The following NEGR1 variants were observed in gnomAD, a reference collection of about 807,000 sequenced individuals.
The protein encoded by NEGR1 is neuronal growth regulator 1.
NEGR1 carries 10 observed loss-of-function variants against 40.9 expected under a neutral mutation model. The ratio of observed to expected loss-of-function variants is 0.24; its 90% CI spans 0.15 to 0.42. The LOEUF (loss-of-function observed/expected upper bound fraction) is 0.42, where lower values mean the gene tolerates loss of function less well. Among genes scored for constraint, NEGR1 ranks in the 10% least tolerant of loss-of-function variants. The pLI is 1.00. For missense variants in NEGR1, 352 were observed against 438.9 expected (o/e 0.80, Z 1.77); for synonymous variants, 185 against 166.8 (o/e 1.11, Z -0.84).
intron 1 of NEGR1, among the ~76,000 whole-genome samples, chr1:71,985,837 T>C (rs1023484785): frequency 2.0e-5 from 3 of 152,168 alleles, no homozygotes; most frequent in Non-Finnish European, 4.4e-5. Context: ...TTATTCATTC[T>C]CTAATTGGTA....
intron 6 of NEGR1, among the ~76,000 whole-genome samples, chr1:71,466,817 C>A (rs574634419): frequency 1.3e-5 from 2 of 152,170 alleles, no homozygotes; most frequent in East Asian, 3.9e-4. Context: ...CAGGGGTCCA[C>A]GGACCATAAT....
chr1:71,610,999 A>G (rs1650231044), intron 5 of NEGR1, 27 bp downstream of exon 5: 1 of 1,611,482 alleles, frequency 6.2e-7, no homozygotes, highest in Admixed American at 1.7e-5. Context: ...AGTGCTTAGA[A>G]CACAGTAATA....
intron 1 of NEGR1, among the ~76,000 whole-genome samples, chr1:72,102,281 C>T (rs1569966705): frequency 6.6e-6 from 1 of 151,908 alleles, no homozygotes; most frequent in Admixed American, 6.6e-5. Flanking sequence ...TCCAACCCCC[C>T]CATAATTCAA....
intron 1 of NEGR1, among the ~76,000 whole-genome samples, chr1:72,261,296 A>G (rs1655445891): frequency 6.6e-6 from 1 of 152,114 alleles, no homozygotes; most frequent in African/African-American, 2.4e-5. Context: ...TTTAACACCT[A>G]ACATAATGTA....
chr1:71,888,041 A>G (rs1660777238), intron 2 of NEGR1, among the ~76,000 whole-genome samples: 1 of 151,138 alleles, frequency 6.6e-6, no homozygotes, highest in African/African-American at 2.4e-5. Context: ...ACACACCTCT[A>G]GAATAAAAAG....
intron 1 of NEGR1, among the ~76,000 whole-genome samples, chr1:71,989,779 A>G (rs965624183): frequency 9.9e-5 from 15 of 152,222 alleles, no homozygotes; most frequent in African/African-American, 3.6e-4. Flanking sequence ...AATAAATAAG[A>G]CATCAGAGTC....
At chr1:71,677,858 A>C (rs1218269317) in intron 4 of NEGR1, among the ~76,000 whole-genome samples, 1 of 152,206 alleles carries the variant, frequency 6.6e-6, no homozygotes, top group Non-Finnish European at 1.5e-5. Context: ...TGAAGAAAGA[A>C]TCAAGATTAT....
At chr1:71,548,982 G>A (rs1254899725) in intron 6 of NEGR1, among the ~76,000 whole-genome samples, 1 of 151,668 alleles carries the variant, frequency 6.6e-6, no homozygotes, top group Admixed American at 6.6e-5. Context: ...GAGGTTGATA[G>A]TTTCCCTGTA....
chr1:72,251,949 C>T lies in NEGR1; in HGVS notation c.176+30370G>A, dbSNP rs1655112323. Among the ~76,000 whole-genome samples, 3 of 152,082 alleles carry T rather than the reference C, an allele frequency of 2.0e-5. No homozygotes were observed. In the South Asian group the frequency reaches 6.2e-4, roughly 31 times the overall value. ...AGTTTTCTTTAGAAAACTTTCAGCA[C>T]ATTACTTTTTAATGTATGGCTATCA... On this transcript the variant is annotated intron_variant, in intron 1 of 6. Coordinates refer to ENST00000357731, the MANE Select transcript of NEGR1 (RefSeq NM_173808.3).
At chr1:72,218,032 C>G (rs964186477) in intron 1 of NEGR1, among the ~76,000 whole-genome samples, 67 of 151,614 alleles carry the variant, frequency 4.4e-4, no homozygotes, top group African/African-American at 1.5e-3. Context: ...TACAGTAAAA[C>G]TTTGGATTTT....
intron 6 of NEGR1, among the ~76,000 whole-genome samples, chr1:71,498,904 G>A (rs1297748537): frequency 1.3e-5 from 2 of 152,054 alleles, no homozygotes; most frequent in Non-Finnish European, 2.9e-5. Flanking sequence ...AGGTCTCTTG[G>A]CTTCCATCAT....
intron 2 of NEGR1, among the ~76,000 whole-genome samples, chr1:71,895,418 A>G (rs991053951): frequency 6.6e-6 from 1 of 152,178 alleles, no homozygotes; most frequent in African/African-American, 2.4e-5. Context: ...CATCACTCCC[A>G]AAAGAAATGC....
intron 3 of NEGR1, among the ~76,000 whole-genome samples, chr1:71,762,205 T>C (rs1570312347): frequency 6.7e-6 from 1 of 149,256 alleles, no homozygotes; most frequent in Middle Eastern, 3.4e-3. Flanking sequence ...GATAGAGTTC[T>C]AAAAAATGCT....
At chr1:72,046,769 T>C (rs566657567) in intron 1 of NEGR1, among the ~76,000 whole-genome samples, 2 of 151,744 alleles carry the variant, frequency 1.3e-5, no homozygotes, top group East Asian at 1.9e-4. Context: ...ATATGCAAGA[T>C]ATAAGACAAA....
chr1:71,765,928 C>A (rs928021918), intron 3 of NEGR1, among the ~76,000 whole-genome samples: 11 of 150,476 alleles, frequency 7.3e-5, no homozygotes, highest in Non-Finnish European at 1.3e-4. Flanking sequence ...GTAATCCCAG[C>A]ACTTTGGGAG....
At chr1:72,054,994 T>C (rs1183989225) in intron 1 of NEGR1, among the ~76,000 whole-genome samples, 1 of 151,110 alleles carries the variant, frequency 6.6e-6, no homozygotes, top group East Asian at 1.9e-4. Flanking sequence ...AATAATAATA[T>C]TAACACTTAT....
At chr1:71,635,862 A>T (rs927431469) in intron 4 of NEGR1, among the ~76,000 whole-genome samples, 12 of 151,994 alleles carry the variant, frequency 7.9e-5, no homozygotes, top group African/African-American at 2.9e-4. Context: ...CTTACTTTTA[A>T]TATACACCTT....
At chr1:72,231,300 T>C (rs997742239) in intron 1 of NEGR1, among the ~76,000 whole-genome samples, 1 of 152,144 alleles carries the variant, frequency 6.6e-6, no homozygotes, top group African/African-American at 2.4e-5. Context: ...TACAACCTTT[T>C]AAAAGTTGCC....
intron 3 of NEGR1, among the ~76,000 whole-genome samples, chr1:71,711,139 C>G (rs1361668313): frequency 6.6e-6 from 1 of 151,264 alleles, no homozygotes; most frequent in African/African-American, 2.4e-5. Context: ...AGATAGAGAC[C>G]ATCCTGGCTA....
Sources: gnomAD v4.1 joint callset for allele counts (sites outside exome capture counted in the v4.1 genomes callset) on GRCh38, gnomAD v4.1.1 for gene constraint, MANE v1.5 for transcripts, NCBI Gene and HGNC (gene_info 2026-07-23, HGNC 2026-07-21) for gene names.